The following EEFSEC variants were observed in gnomAD, a reference collection of about 807,000 sequenced individuals.
EEFSEC encodes eukaryotic elongation factor, selenocysteine-tRNA specific, also known as selenocysteine-specific elongation factor.
Under a neutral mutation model 42.1 loss-of-function variants are expected in EEFSEC, and 43 were observed. The observed-to-expected ratio is 1.02, with a 90% CI of 0.80 to 1.32. EEFSEC has a LOEUF of 1.32. Among genes scored for constraint, EEFSEC ranks in the 40% most tolerant of loss-of-function variants. The probability of loss-of-function intolerance (pLI) is 0.00; values close to 1 mark genes in which losing one functional copy is unlikely to be tolerated. For synonymous variants in EEFSEC, 354 were observed against 339.1 expected, an observed-to-expected ratio of 1.04 and a Z score of -0.48; for missense variants, 745 against 803.6, an observed-to-expected ratio of 0.93 and a Z score of 0.88.
At chr3:128,366,010 C>T (rs114970916) in intron 6 of EEFSEC, among the ~76,000 whole-genome samples, 2,836 of 152,262 alleles carry the variant, frequency 0.019, 98 homozygotes, top group African/African-American at 0.063. Flanking sequence ...GTTGACCAGG[C>T]AACAGATTGT....
In EEFSEC at chr3:128,259,244, TA is replaced by T. The variant is rs200926037; in HGVS notation, c.525-2882del. ...AGAGCAAGCCTCAGTGTCAGGAAGG[TA>T]AGGGTGGCTCTTCCTGGCGGAAACA... On this transcript the variant is annotated intron_variant, in intron 2 of 6. Coordinates refer to ENST00000254730, the MANE Select transcript of EEFSEC (RefSeq NM_021937.5). Among the ~76,000 whole-genome samples, 692 of 152,222 alleles carry T rather than the reference TA, an allele frequency of 4.5e-3. 4 individuals carry two copies. Among genetic ancestry groups the T allele is most frequent in the African/African-American group, 0.015 (607 of 41,536 alleles).
At chr3:128,285,983 T>C in intron 4 of EEFSEC, among the ~76,000 whole-genome samples, 1 of 152,254 alleles carries the variant, frequency 6.6e-6, no homozygotes, top group East Asian at 1.9e-4. Context: ...GAATTTGATA[T>C]AAGTACATCT....
At chr3:128,408,998 G>T (rs1478238532), downstream of EEFSEC, among the ~76,000 whole-genome samples, 1 of 152,160 alleles carries the variant, frequency 6.6e-6, no homozygotes, top group Non-Finnish European at 1.5e-5. Flanking sequence ...CTCAGCCCCT[G>T]CCCTCAAGTT....
intron 5 of EEFSEC, among the ~76,000 whole-genome samples, chr3:128,348,280 G>C (rs2067340171): frequency 8.7e-6 from 1 of 115,310 alleles, no homozygotes; most frequent in Admixed American, 8.0e-5. Flanking sequence ...GCGTGTGCGT[G>C]TGTGTGTGTG....
chr3:128,153,564 C>A lies in EEFSEC; in HGVS notation c.57C>A (p.Gly19=). 6.5e-7 allele frequency: 1 copy of A among 1,537,064 alleles called. No homozygotes were observed. Among genetic ancestry groups the A allele is most frequent in the Non-Finnish European group, 8.7e-7 (1 of 1,148,558 alleles). The part of the protein sequence containing the change: ...NVGVLGHIDS[G]KTALARALST... ...GCGTGCTGGGCCACATCGACAGCGG[C>A]AAGACGGCGCTGGCGCGGGCGCTAA... The change falls in exon 1 of 7, where the codon GGC becomes GGA. Residue 19 remains glycine, a synonymous_variant. Transcript: ENST00000254730.
chr3:128,246,664 G>A (rs1010723641), intron 1 of EEFSEC, among the ~76,000 whole-genome samples, 172 bp from the exon 2 acceptor site: 1 of 152,224 alleles, frequency 6.6e-6, no homozygotes, highest in African/African-American at 2.4e-5. Context: ...TGGCAGTTCT[G>A]AAGCTTCAGG....
intron 1 of EEFSEC, among the ~76,000 whole-genome samples, chr3:128,236,604 G>A (rs1176500595): frequency 3.9e-5 from 6 of 152,194 alleles, no homozygotes. Context: ...CTAGTAAGGT[G>A]TGATGTCTTA....
chr3:128,164,756 G>A (rs2065227889), intron 1 of EEFSEC, among the ~76,000 whole-genome samples: 1 of 152,196 alleles, frequency 6.6e-6, no homozygotes, highest in African/African-American at 2.4e-5. Context: ...CTTCCAGAGG[G>A]TAGCCCGGAC....
chr3:128,204,595 T>A (rs1446549169), intron 1 of EEFSEC, among the ~76,000 whole-genome samples: 2 of 152,120 alleles, frequency 1.3e-5, no homozygotes, highest in Non-Finnish European at 2.9e-5. Context: ...CTCTTAAGAA[T>A]CAATATCTCT....
intron 1 of EEFSEC, among the ~76,000 whole-genome samples, chr3:128,213,174 T>A (rs1394665165): frequency 6.6e-6 from 1 of 152,202 alleles, no homozygotes; most frequent in Non-Finnish European, 1.5e-5. Flanking sequence ...GTTGTGGCAG[T>A]TGCTGCATTA....
intron 6 of EEFSEC, among the ~76,000 whole-genome samples, chr3:128,386,246 A>G (rs1257023700): frequency 6.6e-6 from 1 of 152,284 alleles, no homozygotes; most frequent in East Asian, 1.9e-4. Flanking sequence ...CCAAGGGTGC[A>G]TGAAATCTAC....
chr3:128,426,186 G>A, the EEFSEC span, among the ~76,000 whole-genome samples: 1 of 152,194 alleles, frequency 6.6e-6, no homozygotes, highest in African/African-American at 2.4e-5. Context: ...TGAACCCGGC[G>A]GGACTCATGG....
intron 4 of EEFSEC, among the ~76,000 whole-genome samples, chr3:128,302,472 C>A (rs970920212): frequency 1.3e-5 from 2 of 151,952 alleles, no homozygotes; most frequent in African/African-American, 4.8e-5. Context: ...TTTCATATGC[C>A]AGTCATAAAG....
the EEFSEC span, among the ~76,000 whole-genome samples, chr3:128,417,562 C>T: frequency 6.6e-6 from 1 of 152,276 alleles, no homozygotes; most frequent in East Asian, 1.9e-4. The surrounding 1 kb of genome is among the most constrained non-coding windows in gnomAD (Gnocchi z 4.3). Flanking sequence ...ACCTCATTTA[C>T]TGCCAGTGTT....
chr3:128,230,330 T>C (rs1020171992), intron 1 of EEFSEC, among the ~76,000 whole-genome samples: 6 of 152,140 alleles, frequency 3.9e-5, no homozygotes. Flanking sequence ...TTTTTAAATT[T>C]GTTTATAAAG....
intron 4 of EEFSEC, among the ~76,000 whole-genome samples, chr3:128,296,013 CAT>C (rs1268710316): frequency 2.0e-5 from 3 of 152,138 alleles, no homozygotes; most frequent in Admixed American, 2.0e-4. Context: ...TGAGAAAGCA[CAT>C]GTTACCATGG....
the EEFSEC span, among the ~76,000 whole-genome samples, chr3:128,414,910 A>G: frequency 3.3e-5 from 5 of 152,268 alleles, no homozygotes; most frequent in East Asian, 9.7e-4. Flanking sequence ...AGATTTGAAG[A>G]TGATCCCAAA....
At chr3:128,275,396 T>C (rs939938709) in intron 4 of EEFSEC, among the ~76,000 whole-genome samples, 1 of 152,202 alleles carries the variant, frequency 6.6e-6, no homozygotes, top group African/African-American at 2.4e-5. Context: ...AGTGTGGCCA[T>C]GCAGGGCTGT....
At chr3:128,171,715 A>G (rs1416423576) in intron 1 of EEFSEC, among the ~76,000 whole-genome samples, 1 of 152,178 alleles carries the variant, frequency 6.6e-6, no homozygotes, top group Non-Finnish European at 1.5e-5. Context: ...CTGCTTTTGT[A>G]TAATGATTTG....
Sources: gnomAD v4.1 joint callset for allele counts (sites outside exome capture counted in the v4.1 genomes callset) on GRCh38, gnomAD v4.1.1 for gene constraint, Gnocchi (gnomAD v3.1) non-coding constraint, MANE v1.5 for transcripts, NCBI Gene and HGNC (gene_info 2026-07-23, HGNC 2026-07-21) for gene names.